THSD7B: variants seen among roughly 807,000 people sequenced by gnomAD.
The protein encoded by THSD7B is thrombospondin type-1 domain-containing protein 7B.
A neutral mutation model predicts 213.6 loss-of-function variants in THSD7B; 138 were observed. The observed-to-expected ratio is 0.65, with a 90% CI of 0.56 to 0.74. The LOEUF is 0.74. Ranked by LOEUF, THSD7B falls within the 30% of genes least tolerant of loss-of-function variation. The pLI, the probability that THSD7B is intolerant of heterozygous loss-of-function variation, is 0.00. For synonymous variants in THSD7B, 742 were observed against 687.0 expected (o/e 1.08, Z -1.25); for missense variants, 1,931 against 1,991.5 (o/e 0.97, Z 0.58).
chr2:137,092,163 G>C (rs1687960112), intron 3 of THSD7B, among the ~76,000 whole-genome samples: 1 of 152,070 alleles, frequency 6.6e-6, no homozygotes. Context: ...GGCCAATCCT[G>C]GCACTTTGGG....
At chr2:137,381,215 A>G (rs957614674) in intron 12 of THSD7B, among the ~76,000 whole-genome samples, 2 of 152,214 alleles carry the variant, frequency 1.3e-5, no homozygotes, top group Non-Finnish European at 2.9e-5. Flanking sequence ...GGGCTCTGGT[A>G]GAAACCTGGG....
intron 25 of THSD7B, among the ~76,000 whole-genome samples, chr2:137,660,094 A>T (rs1199838125): frequency 2.0e-5 from 3 of 152,172 alleles, no homozygotes. Flanking sequence ...ATATTTGCTA[A>T]AGTTATTATG....
At chr2:137,075,909 T>C (rs962250335) in intron 3 of THSD7B, among the ~76,000 whole-genome samples, 3 of 152,174 alleles carry the variant, frequency 2.0e-5, no homozygotes, top group Admixed American at 1.3e-4. Context: ...TGGATTTTGG[T>C]GAACCGCAAA....
At chr2:137,671,961 G>A (rs1288791664) in intron 27 of THSD7B, among the ~76,000 whole-genome samples, 1 of 152,040 alleles carries the variant, frequency 6.6e-6, no homozygotes, top group East Asian at 1.9e-4. Context: ...TGTCGTGGTA[G>A]TTACCCCATG....
intron 3 of THSD7B, among the ~76,000 whole-genome samples, chr2:137,063,847 T>G (rs192907322): frequency 4.5e-4 from 69 of 152,190 alleles, no homozygotes; most frequent in East Asian, 2.7e-3. Flanking sequence ...GATGACAGGA[T>G]CTCATTGGTT....
chr2:137,025,979 GA>G (rs1479369312), intron 2 of THSD7B, among the ~76,000 whole-genome samples: 4 of 152,280 alleles, frequency 2.6e-5, no homozygotes, highest in Admixed American at 2.0e-4. Context: ...TCCCAGGTGA[GA>G]CAGATACTGC....
intron 2 of THSD7B, among the ~76,000 whole-genome samples, chr2:136,989,769 G>A (rs1685734663): frequency 6.6e-6 from 1 of 152,144 alleles, no homozygotes; most frequent in African/African-American, 2.4e-5. Context: ...GCAGTGGGCA[G>A]CCAGCTGGGA....
chr2:136,879,012 A>G (rs1375485476), intron 1 of THSD7B, among the ~76,000 whole-genome samples: 1 of 152,128 alleles, frequency 6.6e-6, no homozygotes, highest in African/African-American at 2.4e-5. Context: ...CCTGAATGGT[A>G]TTGCCTGGGT....
chr2:136,862,310 C>G (rs1254730190), intron 1 of THSD7B, among the ~76,000 whole-genome samples: 1 of 152,118 alleles, frequency 6.6e-6, no homozygotes, highest in Admixed American at 6.5e-5. Flanking sequence ...AGAGTTGCTG[C>G]TCATAACAGC....
At chr2:137,469,777 A>G (rs1344226867) in intron 15 of THSD7B, among the ~76,000 whole-genome samples, 2 of 152,188 alleles carry the variant, frequency 1.3e-5, no homozygotes, top group African/African-American at 4.8e-5. Flanking sequence ...TTACTTTGTG[A>G]TGAACCAAAG....
chr2:137,618,331 T>G, intron 18 of THSD7B, 61 bp from the exon 19 acceptor site: 1 of 1,306,244 alleles, frequency 7.7e-7, no homozygotes, highest in Non-Finnish European at 1.1e-6. Context: ...CAAAGGTCTG[T>G]TGTATTTTGC....
chr2:137,385,809 A>T (rs1685882215), intron 12 of THSD7B, among the ~76,000 whole-genome samples: 1 of 152,204 alleles, frequency 6.6e-6, no homozygotes, highest in South Asian at 2.1e-4. Context: ...TTCTTTAATG[A>T]AATCTTGGTT....
At chr2:137,210,813 G>T (rs1370133686) in intron 7 of THSD7B, among the ~76,000 whole-genome samples, 1 of 94,872 alleles carries the variant, frequency 1.1e-5, no homozygotes, top group Non-Finnish European at 2.4e-5. Flanking sequence ...TCTAGTTAAA[G>T]TTAAAAAAAA....
chr2:137,090,550 C>T (rs1687931959), intron 3 of THSD7B, among the ~76,000 whole-genome samples: 1 of 151,990 alleles, frequency 6.6e-6, no homozygotes, highest in Non-Finnish European at 1.5e-5. Flanking sequence ...GAATTACTAG[C>T]GTAATTTTTG....
chr2:136,831,411 T>C (rs1202119759), intron 1 of THSD7B, among the ~76,000 whole-genome samples: 1 of 152,208 alleles, frequency 6.6e-6, no homozygotes, highest in African/African-American at 2.4e-5. Context: ...AAAGCCCATA[T>C]AGCTGTTGAA....
intron 2 of THSD7B, among the ~76,000 whole-genome samples, chr2:137,012,951 G>A (rs1686258291): frequency 6.6e-6 from 1 of 152,202 alleles, no homozygotes; most frequent in South Asian, 2.1e-4. Context: ...CCCATGTGGT[G>A]AGAAATTCAT....
chr2:137,497,599 A>G (rs940889195), intron 15 of THSD7B, among the ~76,000 whole-genome samples: 4 of 150,502 alleles, frequency 2.7e-5, no homozygotes, highest in African/African-American at 9.8e-5. Context: ...GTATATATAT[A>G]TGTATGTGTG....
chr2:137,176,120 G>T (rs2105000368), intron 7 of THSD7B, among the ~76,000 whole-genome samples: 2 of 152,222 alleles, frequency 1.3e-5, no homozygotes, highest in Middle Eastern at 6.8e-3. Flanking sequence ...GATGAAAGAA[G>T]AATAGATTAT....
chr2:137,465,976 T>A (rs1687983682), intron 15 of THSD7B, among the ~76,000 whole-genome samples: 1 of 152,148 alleles, frequency 6.6e-6, no homozygotes, highest in Non-Finnish European at 1.5e-5. Context: ...CATGTTCCCA[T>A]GGTTTGGAGT....
Sources: allele counts gnomAD v4.1 joint callset (sites outside exome capture counted in the v4.1 genomes callset), GRCh38; gene constraint gnomAD v4.1.1; transcripts MANE v1.5; gene names NCBI Gene and HGNC (gene_info 2026-07-23, HGNC 2026-07-21).